The following LPXN variants were observed in gnomAD, a reference collection of about 807,000 sequenced individuals.
The protein encoded by LPXN is leupaxin.
LPXN carries 28 observed loss-of-function variants against 45.6 expected under a neutral mutation model. That is an observed-to-expected ratio of 0.61 (90% confidence interval 0.45 to 0.84). The LOEUF (loss-of-function observed/expected upper bound fraction) is 0.84, where lower values mean the gene tolerates loss of function less well. Ranked by LOEUF, LPXN falls within the 40% of genes least tolerant of loss-of-function variation. The pLI is 0.00. For missense variants in LPXN, 459 were observed against 475.0 expected (o/e 0.97, Z 0.31); for synonymous variants, 166 against 169.9 (o/e 0.98, Z 0.18).
At chr11:58,545,327 C>G (rs1170079929) in intron 7 of LPXN, among the ~76,000 whole-genome samples, 1 of 152,118 alleles carries the variant, frequency 6.6e-6, no homozygotes, top group Non-Finnish European at 1.5e-5. Flanking sequence ...TAACTTATGT[C>G]TCTACCTGAA....
At chr11:58,577,364 T>C (rs1854926786), upstream of LPXN, among the ~76,000 whole-genome samples, 2 of 152,222 alleles carry the variant, frequency 1.3e-5, no homozygotes, top group South Asian at 4.1e-4. Context: ...TATGAAGTGG[T>C]ATCTGAGTCA....
chr11:58,573,197 G>A (rs1228347819), intron 1 of LPXN, among the ~76,000 whole-genome samples: 1 of 148,934 alleles, frequency 6.7e-6, no homozygotes, highest in Non-Finnish European at 1.5e-5. Flanking sequence ...GGTGAGCCGA[G>A]ACCGTGCCAT....
chr11:58,559,549 A>T (rs904700708), intron 3 of LPXN, among the ~76,000 whole-genome samples: 3 of 152,206 alleles, frequency 2.0e-5, no homozygotes, highest in Admixed American at 1.3e-4. Flanking sequence ...AAACATTGTT[A>T]GTGTAAAAAA....
At chr11:58,577,855 C>T, upstream of LPXN, 1 of 736,722 alleles carries the variant, frequency 1.4e-6, no homozygotes, top group South Asian at 2.0e-5. Flanking sequence ...CTTGGTGTCC[C>T]AACAAGGTCT....
chr11:58,577,458 G>C (rs1251036487), upstream of LPXN, among the ~76,000 whole-genome samples: 1 of 152,084 alleles, frequency 6.6e-6, no homozygotes. Flanking sequence ...TGGATCCCCA[G>C]ATCTTGTTTC....
At chr11:58,563,725 G>A (rs1854447574) in intron 3 of LPXN, among the ~76,000 whole-genome samples, 1 of 152,182 alleles carries the variant, frequency 6.6e-6, no homozygotes, top group Non-Finnish European at 1.5e-5. Context: ...GAAAGAAAAA[G>A]TAAATACTCA....
chr11:58,528,139 C>G lies in LPXN; in HGVS notation c.795G>C (p.Met265Ile). The change falls in exon 8 of 9, where the codon ATG (methionine) becomes ATC (isoleucine). Residue 265 changes from methionine (M) to isoleucine (I), a missense_variant. By Grantham distance (10) the Met-to-Ile change is conservative. Coordinates refer to ENST00000395074, the MANE Select transcript of LPXN (RefSeq NM_004811.3). ...TGCAGCCACCACACTTGGGTGAGAA[C>G]ATGGCTAAGAAATCCTTTCGGCAAT... ...KPYCRKDFLA[M>I]FSPKCGGCNR... is the part of the protein sequence containing the mutation. 1 of 1,614,202 alleles carries G rather than the reference C, an allele frequency of 6.2e-7. No homozygotes were observed. The highest frequency in any genetic ancestry group is 8.5e-7 in the Non-Finnish European group (1 of 1,180,030).
intron 2 of LPXN, among the ~76,000 whole-genome samples, chr11:58,564,809 G>A (rs1854480564): frequency 6.6e-6 from 1 of 152,176 alleles, no homozygotes; most frequent in Non-Finnish European, 1.5e-5. Context: ...TGGGAAGTGG[G>A]GAGAGACAGC....
chr11:58,572,410 A>C (rs1854734146), intron 1 of LPXN, among the ~76,000 whole-genome samples: 1 of 152,128 alleles, frequency 6.6e-6, no homozygotes, highest in African/African-American at 2.4e-5. Context: ...CAAATGAATA[A>C]CTGTAATGGG....
chr11:58,556,380 C>T (rs566245744), intron 3 of LPXN, among the ~76,000 whole-genome samples: 2 of 152,008 alleles, frequency 1.3e-5, no homozygotes, highest in South Asian at 2.1e-4. Flanking sequence ...AGTCTATAAA[C>T]TGATAAAATG....
upstream of LPXN, among the ~76,000 whole-genome samples, chr11:58,576,131 C>T (rs1479545772): frequency 6.6e-6 from 1 of 151,600 alleles, no homozygotes; most frequent in East Asian, 1.9e-4. Flanking sequence ...CTTATACTTG[C>T]GTTTTTTCCA....
chr11:58,566,458 T>A (rs541725584), intron 2 of LPXN, among the ~76,000 whole-genome samples: 1 of 152,354 alleles, frequency 6.6e-6, no homozygotes, highest in South Asian at 2.1e-4. Flanking sequence ...GTTGTCTATA[T>A]CTGTGATTGT....
chr11:58,551,192 T>C lies in LPXN; in HGVS notation c.359A>G (p.Asp120Gly). Residue 120 changes from aspartate (D) to glycine (G), a missense_variant, in exon 5 of 9, where the codon GAC (aspartate) becomes GGC (glycine). Physicochemically the swap from Asp to Gly is moderately conservative, Grantham distance 94. Transcript: ENST00000395074. ...RADAGKKHLP[D>G]KQDHKASLDS... ...CAGGGAGGCCTTGTGATCCTGCTTG[T>C]CTGGTAAGTGCTTCTTGCCAGCATC... is the stretch of plus-strand genomic sequence containing the variant. The C allele has an allele frequency of 1.2e-6, 2 of 1,611,754 alleles. No homozygotes were observed. The highest frequency in any genetic ancestry group is 1.7e-6 in the Non-Finnish European group (2 of 1,178,982).
chr11:58,578,074 G>C, upstream of LPXN: 1 of 1,549,564 alleles, frequency 6.5e-7, no homozygotes, highest in South Asian at 1.2e-5. Context: ...TCCCAGAGGA[G>C]GTGTCATCTG....
chr11:58,541,204 T>G (rs995116396), intron 7 of LPXN, among the ~76,000 whole-genome samples: 1 of 152,100 alleles, frequency 6.6e-6, no homozygotes, highest in Non-Finnish European at 1.5e-5. Context: ...CTAATTAAAC[T>G]AAGGAGCTTC....
At chr11:58,566,088 G>A (rs1010362442) in intron 2 of LPXN, among the ~76,000 whole-genome samples, 6 of 152,086 alleles carry the variant, frequency 3.9e-5, no homozygotes, top group African/African-American at 1.4e-4. Flanking sequence ...TGGTTATTTA[G>A]ATATTATTGT....
intron 7 of LPXN, among the ~76,000 whole-genome samples, chr11:58,531,570 A>G (rs1590750473): frequency 6.6e-6 from 1 of 152,292 alleles, no homozygotes; most frequent in East Asian, 1.9e-4. Context: ...AAAAAAACAA[A>G]TCTACGTTTG....
At chr11:58,531,298 T>C (rs1189142988) in intron 7 of LPXN, among the ~76,000 whole-genome samples, 1 of 152,052 alleles carries the variant, frequency 6.6e-6, no homozygotes, top group Non-Finnish European at 1.5e-5. Flanking sequence ...GCAAGGAAGC[T>C]AAGAACCTTG....
intron 2 of LPXN, among the ~76,000 whole-genome samples, chr11:58,565,987 C>A (rs576406447): frequency 2.6e-5 from 4 of 152,140 alleles, no homozygotes; most frequent in Non-Finnish European, 5.9e-5. Context: ...AACAGAGTGA[C>A]ACTCTGTCTC....
Sources: gnomAD v4.1 joint callset for allele counts (sites outside exome capture counted in the v4.1 genomes callset) on GRCh38, gnomAD v4.1.1 for gene constraint, MANE v1.5 for transcripts, NCBI Gene and HGNC (gene_info 2026-07-23, HGNC 2026-07-21) for gene names.